Variants in PDE9A observed in about 807,000 individuals in gnomAD.
PDE9A encodes phosphodiesterase 9A, also known as high affinity cGMP-specific 3',5'-cyclic phosphodiesterase 9A.
Under a neutral mutation model 87.4 loss-of-function variants are expected in PDE9A, and 60 were observed. That is an observed-to-expected ratio of 0.69 (90% CI 0.56 to 0.85). PDE9A has a LOEUF of 0.85. PDE9A is among the 40% of genes least tolerant of loss of function. The pLI, the probability that PDE9A is intolerant of heterozygous loss-of-function variation, is 0.00. For missense variants in PDE9A, 665 were observed against 779.0 expected (o/e 0.85, Z 1.74); for synonymous variants, 272 against 279.4 (o/e 0.97, Z 0.27).
At chr21:42,681,317 C>T (rs1454692526) in intron 1 of PDE9A, among the ~76,000 whole-genome samples, 1 of 152,204 alleles carries the variant, frequency 6.6e-6, no homozygotes, top group Non-Finnish European at 1.5e-5. Context: ...GAAGGAGGCT[C>T]TTTTGGATAT....
intron 14 of PDE9A, among the ~76,000 whole-genome samples, chr21:42,764,387 A>G (rs1010483943): frequency 1.3e-5 from 2 of 152,198 alleles, no homozygotes; most frequent in African/African-American, 4.8e-5. Flanking sequence ...AGCTGTGGCA[A>G]ATCTTCGTCT....
chr21:42,672,730 G>A (rs1045142573), intron 1 of PDE9A, among the ~76,000 whole-genome samples: 3 of 152,222 alleles, frequency 2.0e-5, no homozygotes, highest in African/African-American at 7.2e-5. Flanking sequence ...TTCATCCGAC[G>A]CGGTTGATCT....
chr21:42,734,491 A>G (rs1285455150), intron 7 of PDE9A: 2 of 152,272 alleles, frequency 1.3e-5, no homozygotes, highest in African/African-American at 4.8e-5. Flanking sequence ...TAGGAACTAA[A>G]TAAACAGAAT....
intron 1 of PDE9A, among the ~76,000 whole-genome samples, chr21:42,665,383 C>G (rs2057897307): frequency 6.6e-6 from 1 of 152,192 alleles, no homozygotes; most frequent in Non-Finnish European, 1.5e-5. Flanking sequence ...TCCTGGCCCT[C>G]TGAGGGACTG....
chr21:42,769,495 GCAC>G, intron 17 of PDE9A, among the ~76,000 whole-genome samples: 1 of 10,298 alleles, frequency 9.7e-5, no homozygotes, highest in East Asian at 2.5e-3. Flanking sequence ...TGCACACAAG[GCAC>G]GCAGGTACAC....
At chr21:42,737,639 G>A (rs1430557539) in intron 7 of PDE9A, among the ~76,000 whole-genome samples, 2 of 152,160 alleles carry the variant, frequency 1.3e-5, no homozygotes, top group African/African-American at 4.8e-5. Context: ...TGTATTTTTA[G>A]TAGAGATGGG....
chr21:42,724,732 G>A (rs919229135), intron 4 of PDE9A: 1 of 366,858 alleles, frequency 2.7e-6, no homozygotes, highest in Non-Finnish European at 3.8e-6. Flanking sequence ...ATGCTGGCCT[G>A]GGTGGCGCAT....
chr21:42,689,497 C>A (rs1262915398), intron 3 of PDE9A: 16 of 980,346 alleles, frequency 1.6e-5, no homozygotes, highest in Non-Finnish European at 1.8e-5. Context: ...CTCCTGACAC[C>A]CACAAGACTA....
intron 2 of PDE9A, among the ~76,000 whole-genome samples, chr21:42,687,519 A>C (rs977554307): frequency 2.6e-5 from 4 of 152,118 alleles, no homozygotes; most frequent in Non-Finnish European, 5.9e-5. Context: ...ATTTTGTAGG[A>C]GAGACTTGCG....
intron 17 of PDE9A, 62 bp downstream of exon 17, chr21:42,769,217 GCA>G (rs927692018): frequency 1.1e-5 from 16 of 1,489,952 alleles, no homozygotes; most frequent in Admixed American, 5.2e-5. Context: ...GCACACACAG[GCA>G]CACACACATA....
chr21:42,764,829 T>TC lies in PDE9A; in HGVS notation c.1243-546dup, dbSNP rs560622896. On this transcript the variant is annotated intron_variant, in intron 14 of 19. Coordinates refer to ENST00000291539, the MANE Select transcript of PDE9A (RefSeq NM_002606.3). ...ATTGAATAATTCAAGATACAAGTGA[T>TC]CCCCCCAAAAAAATATATATATATA... is the stretch of plus-strand genomic sequence containing the variant. 5.4e-3 allele frequency among the ~76,000 whole-genome samples: 817 copies of TC among 152,214 alleles called. 11 individuals carry two copies. Among genetic ancestry groups the TC allele is most frequent in the African/African-American group, 0.018 (759 of 41,516 alleles).
In PDE9A at chr21:42,775,325, C is replaced by T. The variant is rs376934066; in HGVS notation, c.*32C>T. On this transcript the variant is annotated 3_prime_UTR_variant, in exon 20 of 20. Transcript: ENST00000291539. ...CGGGGGGCGTGGCTGCAGTTCTGGA[C>T]GGGCTGGCCGAGCTGCGCGGGATCC... is the stretch of plus-strand genomic sequence containing the variant. 95 of 1,605,176 alleles carry T rather than the reference C, an allele frequency of 5.9e-5. No individual in the cohort carries two copies. Among genetic ancestry groups the T allele is most frequent in the Admixed American group, 1.2e-4 (7 of 58,928 alleles).
Position 42,717,162 on chromosome 21 carries a change from T to G in PDE9A, c.263-14608T>G, listed in dbSNP as rs1293230549. ...CCTATATATTTGCCATTTCTGATGTTTTTATTTCTTCTCAACTTCCAACTT... is the reference window on the plus strand; with the variant it reads ...CCTATATATTTGCCATTTCTGATGTGTTTATTTCTTCTCAACTTCCAACTT... On this transcript the variant is annotated intron_variant, in intron 4 of 19. Coordinates refer to ENST00000291539, the MANE Select transcript of PDE9A (RefSeq NM_002606.3). 3.3e-5 allele frequency among the ~76,000 whole-genome samples: 5 copies of G among 151,680 alleles called. 1 individual carries two copies. Among genetic ancestry groups the G allele is most frequent in the Non-Finnish European group, 7.4e-5 (5 of 67,858 alleles).
At chr21:42,724,312 C>T (rs1182808890) in intron 4 of PDE9A, among the ~76,000 whole-genome samples, 2 of 152,204 alleles carry the variant, frequency 1.3e-5, no homozygotes, top group Non-Finnish European at 2.9e-5. Flanking sequence ...ACAGCAATAG[C>T]AGAGGCAGGC....
rs150567862 is a variant in PDE9A, at chr21:42,665,605, C to T, written c.69+11722C>T. On this transcript the variant is annotated intron_variant, in intron 1 of 19. Transcript: ENST00000291539. ...CGACCTTGCTCTGCTCCTACAGCTC[C>T]CGGCCTTCCCTGCCCTGGCCGGCCC... is the stretch of plus-strand genomic sequence containing the variant. 1.3e-3 allele frequency among the ~76,000 whole-genome samples: 201 copies of T among 152,306 alleles called. 1 individual carries two copies. Among genetic ancestry groups the T allele is most frequent in the Middle Eastern group, 3.4e-3 (1 of 294 alleles).
At chr21:42,717,337 C>T (rs1256360433) in intron 4 of PDE9A, among the ~76,000 whole-genome samples, 2 of 115,912 alleles carry the variant, frequency 1.7e-5, no homozygotes, top group Admixed American at 2.4e-4. Flanking sequence ...CTTGCTCTGT[C>T]GCCCAGGTTG....
chr21:42,677,862 C>G (rs1212695151), intron 1 of PDE9A, among the ~76,000 whole-genome samples: 1 of 152,176 alleles, frequency 6.6e-6, no homozygotes, highest in Admixed American at 6.5e-5. Context: ...AGGCTGGGCT[C>G]AAACTCCTAA....
intron 1 of PDE9A, among the ~76,000 whole-genome samples, chr21:42,682,264 T>A (rs2059208757): frequency 6.6e-6 from 1 of 152,206 alleles, no homozygotes; most frequent in Non-Finnish European, 1.5e-5. Context: ...AGTGAAGCAA[T>A]GTTGAAATGG....
At chr21:42,765,523 A>G in intron 15 of PDE9A, 29 bp downstream of exon 15, 3 of 1,325,306 alleles carry the variant, frequency 2.3e-6, no homozygotes, top group Non-Finnish European at 3.3e-6. Context: ...CTGGGTGGGC[A>G]GCCAGGCGGT....
Sources: allele counts gnomAD v4.1 joint callset (sites outside exome capture counted in the v4.1 genomes callset), GRCh38; gene constraint gnomAD v4.1.1; transcripts MANE v1.5; gene names NCBI Gene and HGNC (gene_info 2026-07-23, HGNC 2026-07-21).